The following SCN3B variants were observed in gnomAD, a reference collection of about 807,000 sequenced individuals.
SCN3B encodes sodium channel regulatory subunit beta-3.
SCN3B carries 11 observed loss-of-function variants against 25.4 expected under a neutral mutation model. That is an observed-to-expected ratio of 0.43 (90% CI 0.27 to 0.72). The LOEUF is 0.72. Among genes scored for constraint, SCN3B ranks in the 30% least tolerant of loss-of-function variants. The probability of loss-of-function intolerance (pLI) is 0.18; values close to 1 mark genes in which losing one functional copy is unlikely to be tolerated. For missense variants in SCN3B, 218 were observed against 278.3 expected, an observed-to-expected ratio of 0.78 and a Z score of 1.54; for synonymous variants, 109 against 110.7, an observed-to-expected ratio of 0.99 and a Z score of 0.09.
rs1226741179 is a variant in SCN3B at position 123,631,075 on chromosome 11, A to G, written c.*2724T>C. 2 of 152,238 alleles carry G rather than the reference A, an allele frequency of 1.3e-5. 1 individual carries two copies. The highest frequency in any genetic ancestry group is 2.9e-5 in the Non-Finnish European group (2 of 68,042). The allele number at this position is 152,238 out of a possible 1,614,324, so 9.4% of individuals were successfully genotyped here. On this transcript the variant is annotated 3_prime_UTR_variant, in exon 7 of 7. Transcript: ENST00000299333. ...ATAGTTAAGTGAAAATACTTCGTAA[A>G]CCATATAGTTCTAATGAAAGTGTCA...
intron 5 of SCN3B, among the ~76,000 whole-genome samples, chr11:123,634,483 C>T (rs971799287): frequency 2.0e-5 from 3 of 152,230 alleles, no homozygotes; most frequent in African/African-American, 7.2e-5. Flanking sequence ...GCTCATGCCT[C>T]TAATCCCAGC....
chr11:123,633,878 C>T lies in SCN3B; in HGVS notation c.*23-102G>A, dbSNP rs189252884. The stretch of plus-strand genomic sequence containing the variant: ...AGAAGGGAGTTGGAGAATCCTGTGC[C>T]TCTGTTACCATGGGCAAGTTCAGAT... On this transcript the variant is annotated intron_variant, in intron 6 of 6. Transcript: ENST00000299333. The T allele has an allele frequency of 8.2e-5, 37 of 449,282 alleles. No individual in the cohort carries two copies. In the East Asian group the frequency reaches 1.1e-3, roughly 13 times the overall value. The allele number at this position is 449,282 out of a possible 1,614,324, so 27.8% of individuals were successfully genotyped here. A position where few individuals can be genotyped will look rare whatever the true frequency, so the allele number is the denominator to read the frequency against.
Position 123,633,649 on chromosome 11 carries a change from T to G in SCN3B, c.*150A>C. On this transcript the variant is annotated 3_prime_UTR_variant, in exon 7 of 7. Transcript: ENST00000299333. ...AGGTGAAAGCTCAGAGGCAGGTGGA[T>G]GTATGGATGAATGAATGAACAGAAC... 1 of 225,284 alleles carries G rather than the reference T, an allele frequency of 4.4e-6. No individual in the cohort carries two copies. The highest frequency in any genetic ancestry group is 8.9e-6 in the Non-Finnish European group (1 of 112,252). The allele number at this position is 225,284 out of a possible 1,614,324, so 14.0% of individuals were successfully genotyped here.
intron 3 of SCN3B, among the ~76,000 whole-genome samples, chr11:123,644,728 C>T (rs574558628): frequency 2.0e-4 from 29 of 147,232 alleles, no homozygotes; most frequent in Non-Finnish European, 3.9e-4. Flanking sequence ...CGAGATCACA[C>T]CACTGCACTC....
In SCN3B at chr11:123,638,337, G is replaced by A. The variant is rs1401066788; in HGVS notation, c.446-13C>T. 6.2e-7 allele frequency: 1 copy of A among 1,613,672 alleles called. No homozygotes were observed. The highest frequency in any genetic ancestry group is 8.5e-7 in the Non-Finnish European group (1 of 1,180,036). Reference sequence around the variant, plus strand: ...AAGTCCTCTCCAGCTGAAAGAAAGAGAATGAGGTTCAGAATATGCAAATCC... The same window carrying A: ...AAGTCCTCTCCAGCTGAAAGAAAGAAAATGAGGTTCAGAATATGCAAATCC... On this transcript the variant is annotated splice_polypyrimidine_tract_variant and intron_variant, in intron 4 of 6. Coordinates refer to ENST00000299333, the MANE Select transcript of SCN3B (RefSeq NM_001040151.2).
intron 1 of SCN3B, 198 bp downstream of exon 1, chr11:123,654,028 A>C (rs1224479070): frequency 1.7e-6 from 1 of 591,400 alleles, no homozygotes; most frequent in African/African-American, 1.9e-5. Flanking sequence ...CCCCAGTTCG[A>C]GGGAGCCGAT....
chr11:123,653,878 G>T (rs1430517611), intron 1 of SCN3B, 52 bp from the exon 2 acceptor site: 2 of 1,542,894 alleles, frequency 1.3e-6, no homozygotes, highest in African/African-American at 1.4e-5. Context: ...AGATTCTTTC[G>T]AGGAAACCCT....
intron 4 of SCN3B, among the ~76,000 whole-genome samples, chr11:123,641,880 G>T (rs1419170262): frequency 6.6e-6 from 1 of 152,164 alleles, no homozygotes; most frequent in African/African-American, 2.4e-5. Flanking sequence ...GGTTCTCAAG[G>T]TGTGGTCCCA....
At position 123,654,238 on chromosome 11, in the gene SCN3B, C is replaced by G. The variant is rs1955966585; in HGVS notation, c.-38G>C. 2 of 220,740 alleles carry G rather than the reference C, an allele frequency of 9.1e-6. No homozygotes were observed. Among genetic ancestry groups the G allele is most frequent in the South Asian group, 6.9e-5 (1 of 14,460 alleles). 13.7% of individuals were successfully genotyped at this position (220,740 alleles called of 1,614,324 possible). On this transcript the variant is annotated 5_prime_UTR_variant, in exon 1 of 7. Transcript: ENST00000299333. ...CAGGTTGATTCACCTCTCGCCTCCCCAGGATCGGTTGCGTTCCGACTGGAA... is the reference window on the plus strand; with the variant it reads ...CAGGTTGATTCACCTCTCGCCTCCCGAGGATCGGTTGCGTTCCGACTGGAA...
At chr11:123,653,948 G>T in intron 1 of SCN3B, 122 bp from the exon 2 acceptor site, 3 of 908,758 alleles carry the variant, frequency 3.3e-6, no homozygotes, top group Non-Finnish European at 5.3e-6. Flanking sequence ...GAGCACCGGT[G>T]CCTGGGGAGG....
chr11:123,638,045 G>T (rs757091952), intron 5 of SCN3B, 141 bp downstream of exon 5: 11 of 997,554 alleles, frequency 1.1e-5, no homozygotes, highest in African/African-American at 1.6e-5. Flanking sequence ...TGTAAAATGG[G>T]TATAATAATG....
chr11:123,651,376 T>C (rs1955924246), intron 2 of SCN3B, among the ~76,000 whole-genome samples: 1 of 151,074 alleles, frequency 6.6e-6, no homozygotes, highest in South Asian at 2.1e-4. Flanking sequence ...TTTCTTTCTT[T>C]TTTTTTTGAT....
chr11:123,638,801 T>G (rs1955756507), intron 4 of SCN3B: 1 of 215,280 alleles, frequency 4.6e-6, no homozygotes, highest in Admixed American at 5.3e-5. Flanking sequence ...CTCTGTCTTT[T>G]GAGCTGCCGG....
intron 2 of SCN3B, among the ~76,000 whole-genome samples, chr11:123,651,329 A>G (rs948621957): frequency 6.6e-6 from 1 of 152,058 alleles, no homozygotes; most frequent in Non-Finnish European, 1.5e-5. Flanking sequence ...AATTGCATGC[A>G]AATCAAATGA....
chr11:123,635,481 G>A (rs562145952), intron 5 of SCN3B, among the ~76,000 whole-genome samples: 35 of 152,132 alleles, frequency 2.3e-4, no homozygotes, highest in Admixed American at 5.9e-4. Flanking sequence ...TCAGGAGATT[G>A]AGACCATCCT....
intron 2 of SCN3B, among the ~76,000 whole-genome samples, chr11:123,647,870 C>T (rs114347713): frequency 9.1e-4 from 139 of 152,340 alleles, no homozygotes; most frequent in African/African-American, 3.0e-3. Context: ...GGGTTTTCAA[C>T]TCTCCAGCAA....
chr11:123,646,897 G>A (rs1163829246), intron 2 of SCN3B, among the ~76,000 whole-genome samples: 6 of 152,138 alleles, frequency 3.9e-5, no homozygotes, highest in African/African-American at 1.4e-4. Flanking sequence ...TGTTCAAAGA[G>A]TGCATGCCCA....
intron 2 of SCN3B, among the ~76,000 whole-genome samples, chr11:123,650,587 T>C (rs1310433952): frequency 1.3e-5 from 2 of 152,128 alleles, no homozygotes; most frequent in African/African-American, 2.4e-5. Flanking sequence ...AGGTACTAGG[T>C]GCTAGTGAGT....
intron 5 of SCN3B, 112 bp from the exon 6 acceptor site, chr11:123,634,318 C>G: frequency 1.2e-6 from 1 of 829,220 alleles, no homozygotes; most frequent in East Asian, 2.5e-5. Context: ...CTCTGCATTT[C>G]CTTCTGCTGT....
Sources: gnomAD v4.1 joint callset for allele counts (sites outside exome capture counted in the v4.1 genomes callset) on GRCh38, gnomAD v4.1.1 for gene constraint, MANE v1.5 for transcripts, NCBI Gene and HGNC (gene_info 2026-07-23, HGNC 2026-07-21) for gene names.